ATP8A1: variants seen among roughly 807,000 people sequenced by gnomAD.
The protein encoded by ATP8A1 is phospholipid-transporting ATPase IA.
A neutral mutation model predicts 177.7 loss-of-function variants in ATP8A1; 90 were observed. The observed-to-expected ratio is 0.51, with a 90% confidence interval of 0.43 to 0.60. The LOEUF is 0.60. ATP8A1 is among the 20% of genes least tolerant of loss of function. The probability of loss-of-function intolerance (pLI) is 0.00; values close to 1 mark genes in which losing one functional copy is unlikely to be tolerated. For synonymous variants in ATP8A1, 493 were observed against 485.9 expected (o/e 1.01, Z -0.19); for missense variants, 1,072 against 1,392.8 (o/e 0.77, Z 3.67).
intron 20 of ATP8A1, among the ~76,000 whole-genome samples, chr4:42,536,678 T>C (rs1727858760): frequency 6.6e-6 from 1 of 152,094 alleles, no homozygotes; most frequent in South Asian, 2.1e-4. Flanking sequence ...CTGATGAACA[T>C]ACACACAAAA....
At chr4:42,649,837 T>C (rs1009198683) in intron 1 of ATP8A1, among the ~76,000 whole-genome samples, 31 of 152,190 alleles carry the variant, frequency 2.0e-4, no homozygotes, top group African/African-American at 6.3e-4. Flanking sequence ...CTTTAGGACA[T>C]AGATTCATTC....
At chr4:42,577,150 C>T (rs1732549141) in intron 12 of ATP8A1, among the ~76,000 whole-genome samples, 1 of 152,114 alleles carries the variant, frequency 6.6e-6, no homozygotes, top group African/African-American at 2.4e-5. Flanking sequence ...TTATATAATT[C>T]TTTGAAAGAT....
chr4:42,462,660 C>CA (rs1237620416), intron 27 of ATP8A1, among the ~76,000 whole-genome samples: 2 of 152,230 alleles, frequency 1.3e-5, no homozygotes, highest in Non-Finnish European at 2.9e-5. Flanking sequence ...AGCCCCCACA[C>CA]AGAGTTCCCC....
At chr4:42,529,999 A>T (rs769844353) in intron 20 of ATP8A1, among the ~76,000 whole-genome samples, 8 of 152,218 alleles carry the variant, frequency 5.3e-5, no homozygotes, top group Non-Finnish European at 2.9e-5. Flanking sequence ...AGTGGTCAAA[A>T]ACCGTGAAGA....
chr4:42,587,097 A>G (rs1733683984), intron 8 of ATP8A1, among the ~76,000 whole-genome samples: 1 of 152,234 alleles, frequency 6.6e-6, no homozygotes, highest in African/African-American at 2.4e-5. Context: ...AAAACTTTAA[A>G]AACTTTACAG....
chr4:42,422,579 C>G (rs1714099139), intron 35 of ATP8A1, among the ~76,000 whole-genome samples: 2 of 152,082 alleles, frequency 1.3e-5, no homozygotes, highest in Admixed American at 1.3e-4. Context: ...ATTATTGCCC[C>G]CATTTTATTG....
chr4:42,468,428 T>TACACACAC (rs1485553902), intron 25 of ATP8A1, among the ~76,000 whole-genome samples: 2 of 64,644 alleles, frequency 3.1e-5, no homozygotes, highest in Non-Finnish European at 6.6e-5. Context: ...TTATATATTT[T>TACACACAC]ATACACACAC....
intron 4 of ATP8A1, 139 bp from the exon 5 acceptor site, chr4:42,616,217 T>C (rs9991435): frequency 0.075 from 52,842 of 701,840 alleles, 2,310 homozygotes; most frequent in African/African-American, 0.15. Context: ...TGTTAAAGTA[T>C]ACATTGATGG....
intron 6 of ATP8A1, among the ~76,000 whole-genome samples, chr4:42,599,171 T>C (rs1238063533): frequency 6.6e-6 from 1 of 152,176 alleles, no homozygotes; most frequent in Non-Finnish European, 1.5e-5. Context: ...CTCCTGACTT[T>C]CTGTTTATTT....
intron 33 of ATP8A1, among the ~76,000 whole-genome samples, chr4:42,434,222 TATG>T (rs1230518516): frequency 8.5e-5 from 13 of 152,312 alleles, no homozygotes; most frequent in South Asian, 2.1e-4. Context: ...TTTAAAATAC[TATG>T]ATGTTATTAA....
intron 1 of ATP8A1, among the ~76,000 whole-genome samples, chr4:42,635,399 C>G (rs1443231562): frequency 6.6e-6 from 1 of 151,888 alleles, no homozygotes; most frequent in African/African-American, 2.4e-5. Flanking sequence ...AATTATATAA[C>G]CTTTCACTCA....
chr4:42,528,505 T>G (rs1726938553), intron 20 of ATP8A1, among the ~76,000 whole-genome samples: 1 of 151,958 alleles, frequency 6.6e-6, no homozygotes, highest in Admixed American at 6.6e-5. Context: ...TTTAACCAAG[T>G]GGTGACTCCA....
At chr4:42,582,043 G>A (rs890204388) in intron 9 of ATP8A1, among the ~76,000 whole-genome samples, 5 of 152,030 alleles carry the variant, frequency 3.3e-5, no homozygotes, top group Non-Finnish European at 5.9e-5. Context: ...ATGACCCTTC[G>A]GGAGCTAATG....
intron 25 of ATP8A1, chr4:42,471,687 T>C (rs1720435980): frequency 3.7e-6 from 1 of 269,188 alleles, no homozygotes. Context: ...ACAATATTGC[T>C]GTTCATTTTC....
rs1014733127 is a variant in ATP8A1 at position 42,461,254 on chromosome 4, T to C, written c.2619+3436A>G. 2.0e-3 allele frequency among the ~76,000 whole-genome samples: 303 copies of C among 151,542 alleles called. 3 individuals carry two copies. The highest frequency in any genetic ancestry group is 7.0e-3 in the African/African-American group (289 of 41,408). ...TGAGATCAATTTTTTCTTTCTTTTT[T>C]TTTTTTTTGCTTTTTGCTAATGTGG... On this transcript the variant is annotated intron_variant, in intron 27 of 36. Coordinates refer to ENST00000381668, the MANE Select transcript of ATP8A1 (RefSeq NM_006095.2).
chr4:42,533,764 T>C (rs1367917942), intron 20 of ATP8A1, among the ~76,000 whole-genome samples: 1 of 152,102 alleles, frequency 6.6e-6, no homozygotes, highest in Non-Finnish European at 1.5e-5. Context: ...CCTCTCCAAG[T>C]CTACTTCACT....
At position 42,647,389 on chromosome 4, in the gene ATP8A1, G is replaced by C. The variant is rs534661518; in HGVS notation, c.49+9436C>G. On this transcript the variant is annotated intron_variant, in intron 1 of 36. Transcript: ENST00000381668. ...AGTCACATGTAGCTACTGAGCACATGAAATAGTACAAATTGAGATGCACTA... is the reference window on the plus strand; with the variant it reads ...AGTCACATGTAGCTACTGAGCACATCAAATAGTACAAATTGAGATGCACTA... 1.2e-3 allele frequency among the ~76,000 whole-genome samples: 182 copies of C among 152,226 alleles called. 2 individuals are homozygous for C. Among genetic ancestry groups the C allele is most frequent in the South Asian group, 9.3e-3 (45 of 4,826 alleles).
At chr4:42,528,151 G>T (rs1159747480) in intron 20 of ATP8A1, among the ~76,000 whole-genome samples, 1 of 152,142 alleles carries the variant, frequency 6.6e-6, no homozygotes, top group East Asian at 1.9e-4. Context: ...GGTCCAGTGG[G>T]TCTCCGGGCT....
chr4:42,575,661 A>T lies in ATP8A1; in HGVS notation c.1167T>A (p.Ala389=), dbSNP rs1369525354. 6.2e-7 allele frequency: 1 copy of T among 1,613,650 alleles called. No individual in the cohort carries two copies. The highest frequency in any genetic ancestry group is 1.3e-5 in the African/African-American group (1 of 74,924). Residue 389 remains alanine (A), a synonymous_variant, in exon 13 of 37, where the codon GCT becomes GCA. Transcript: ENST00000381668. The part of the protein sequence containing the change: ...DMHYEPTDTA[A]MARTSNLNEE... Reference sequence around the variant, plus strand: ...CATTCAGATTAGATGTTCGAGCCATAGCAGCAGTGTCTGTGGGTTCATAGT... The same window carrying T: ...CATTCAGATTAGATGTTCGAGCCATTGCAGCAGTGTCTGTGGGTTCATAGT...
Sources: allele counts gnomAD v4.1 joint callset (sites outside exome capture counted in the v4.1 genomes callset), GRCh38; gene constraint gnomAD v4.1.1; transcripts MANE v1.5; gene names NCBI Gene and HGNC (gene_info 2026-07-23, HGNC 2026-07-21).